Variants in PPM1H observed in about 807,000 individuals in gnomAD.
PPM1H encodes protein phosphatase 1H.
PPM1H carries 27 observed loss-of-function variants against 54.9 expected under a neutral mutation model. The ratio of observed to expected loss-of-function variants is 0.49; its 90% CI spans 0.36 to 0.68. The LOEUF is 0.68. PPM1H is among the 30% of genes least tolerant of loss of function. The pLI, the probability that PPM1H is intolerant of heterozygous loss-of-function variation, is 0.00. For synonymous variants in PPM1H, 305 were observed against 270.8 expected (o/e 1.13, Z -1.24); for missense variants, 596 against 667.8 (o/e 0.89, Z 1.19).
chr12:62,755,571 CA>C, intron 4 of PPM1H: 2 of 658,416 alleles, frequency 3.0e-6, no homozygotes, highest in Admixed American at 2.1e-5. Flanking sequence ...AGCGGGGAGC[CA>C]AAAGGGTCAT....
At chr12:62,673,716 T>A (rs2075969512) in intron 8 of PPM1H, among the ~76,000 whole-genome samples, 5 of 31,434 alleles carry the variant, frequency 1.6e-4, no homozygotes, top group African/African-American at 1.4e-3. Context: ...AGAGCCACTC[T>A]TTTTTTTTTT....
intron 1 of PPM1H, among the ~76,000 whole-genome samples, chr12:62,917,805 G>C: frequency 6.6e-6 from 1 of 152,090 alleles, no homozygotes; most frequent in Non-Finnish European, 1.5e-5. Flanking sequence ...AAAGGGTGGG[G>C]AGAGCAGGAT....
intron 2 of PPM1H, among the ~76,000 whole-genome samples, chr12:62,831,105 G>A (rs180683909): frequency 4.6e-5 from 7 of 152,042 alleles, no homozygotes; most frequent in Admixed American, 2.6e-4. Flanking sequence ...CGCCTGTCTC[G>A]GCCTCCCAAA....
chr12:62,663,161 A>G (rs181700366), intron 9 of PPM1H, among the ~76,000 whole-genome samples: 2 of 152,286 alleles, frequency 1.3e-5, no homozygotes, highest in Admixed American at 1.3e-4. Flanking sequence ...AATAAAAACA[A>G]TTCTGTGAAT....
intron 6 of PPM1H, among the ~76,000 whole-genome samples, chr12:62,705,637 A>T (rs934612874): frequency 2.6e-5 from 4 of 152,244 alleles, no homozygotes; most frequent in African/African-American, 7.2e-5. Context: ...CTGATTCAGT[A>T]TCCACTTGGT....
At position 62,648,546 on chromosome 12, in the gene PPM1H, T is replaced by A. The variant is rs1249389472; in HGVS notation, c.1488A>T (p.Ser496=). Residue 496 remains serine, a synonymous_variant, in exon 10 of 10, where the codon TCA becomes TCT. Coordinates refer to ENST00000228705, the MANE Select transcript of PPM1H (RefSeq NM_020700.2). ...GWRISNDRLG[S]GDDISVYVIP... is the part of the protein sequence containing the mutation. ...TGACATATACAGAAATGTCGTCTCC[T>A]GAGCCCAGTCGGTCATTAGATATCC... The A allele has an allele frequency of 6.8e-6, 11 of 1,613,918 alleles. No individual in the cohort carries two copies. The highest frequency in any genetic ancestry group is 7.6e-6 in the Non-Finnish European group (9 of 1,179,900).
intron 1 of PPM1H, among the ~76,000 whole-genome samples, chr12:62,909,371 T>G (rs1194275472): frequency 1.3e-5 from 2 of 152,192 alleles, no homozygotes; most frequent in African/African-American, 4.8e-5. Context: ...CCCACTGACC[T>G]TCCATCTCAG....
At chr12:62,690,468 G>T (rs1481654493) in intron 7 of PPM1H, among the ~76,000 whole-genome samples, 2 of 152,180 alleles carry the variant, frequency 1.3e-5, no homozygotes, top group African/African-American at 2.4e-5. Flanking sequence ...CTGTGACATA[G>T]CTACACAGAG....
chr12:62,840,051 C>CAGAGAGAGAGAGAGAGAGAG (rs202055824), intron 1 of PPM1H: 54 of 130,388 alleles, frequency 4.1e-4, no homozygotes, highest in Non-Finnish European at 7.0e-4. Flanking sequence ...TCTAGAGAGA[C>CAGAGAGAGAGAGAGAGAGAG]AGAGAGAGAG....
chr12:62,917,439 G>T (rs372715397), intron 1 of PPM1H, among the ~76,000 whole-genome samples: 1 of 152,088 alleles, frequency 6.6e-6, no homozygotes, highest in South Asian at 2.1e-4. Context: ...TCAACTTTTA[G>T]TCGACCCTAA....
At chr12:62,886,159 A>G (rs1870580995) in intron 1 of PPM1H, among the ~76,000 whole-genome samples, 1 of 152,166 alleles carries the variant, frequency 6.6e-6, no homozygotes, top group Non-Finnish European at 1.5e-5. Flanking sequence ...ACGTTTCATC[A>G]CTATTGTCTT....
intron 2 of PPM1H, among the ~76,000 whole-genome samples, chr12:62,830,997 G>A (rs550828246): frequency 3.9e-5 from 6 of 152,152 alleles, no homozygotes; most frequent in Non-Finnish European, 4.4e-5. Context: ...GGGATTACAG[G>A]CGCCCGCCAC....
At chr12:62,809,114 C>T (rs564151347) in intron 2 of PPM1H, among the ~76,000 whole-genome samples, 23 of 152,128 alleles carry the variant, frequency 1.5e-4, no homozygotes, top group Non-Finnish European at 2.9e-4. Context: ...TGCAGTGGTG[C>T]GATCCTGGCT....
chr12:62,685,550 T>C (rs989690266), intron 8 of PPM1H, among the ~76,000 whole-genome samples: 7 of 152,302 alleles, frequency 4.6e-5, no homozygotes, highest in Middle Eastern at 3.4e-3. Context: ...AATCTGTAAA[T>C]TGGGTATAAT....
intron 5 of PPM1H, among the ~76,000 whole-genome samples, chr12:62,723,864 G>C (rs971074287): frequency 3.9e-5 from 6 of 152,126 alleles, no homozygotes; most frequent in African/African-American, 1.4e-4. Context: ...GCATGTTCAG[G>C]ACACACTACC....
intron 2 of PPM1H, among the ~76,000 whole-genome samples, chr12:62,810,272 T>C (rs986711426): frequency 2.0e-5 from 3 of 152,158 alleles, no homozygotes; most frequent in African/African-American, 7.2e-5. Flanking sequence ...GATGACTTGA[T>C]CTTGCTTTAT....
chr12:62,882,933 C>CTATTCAA (rs1214204603), intron 1 of PPM1H, among the ~76,000 whole-genome samples: 22 of 152,208 alleles, frequency 1.4e-4, no homozygotes, highest in African/African-American at 5.3e-4. Flanking sequence ...ACTCCCCAGC[C>CTATTCAA]CCATCTGTTT....
chr12:62,819,008 A>G (rs2120805472), intron 2 of PPM1H, among the ~76,000 whole-genome samples: 1 of 151,548 alleles, frequency 6.6e-6, no homozygotes, highest in African/African-American at 2.4e-5. Flanking sequence ...TTCAGTAGAG[A>G]CGGGGTTTCA....
chr12:62,794,713 A>C (rs2076722091), intron 3 of PPM1H, among the ~76,000 whole-genome samples: 1 of 152,154 alleles, frequency 6.6e-6, no homozygotes, highest in Admixed American at 6.5e-5. Flanking sequence ...TTCCTCCATG[A>C]GTCTGAAATG....
Sources: allele counts gnomAD v4.1 joint callset (sites outside exome capture counted in the v4.1 genomes callset), GRCh38; gene constraint gnomAD v4.1.1; transcripts MANE v1.5; gene names NCBI Gene and HGNC (gene_info 2026-07-23, HGNC 2026-07-21).